The following PLA2G15 variants were observed in gnomAD, a reference collection of about 807,000 sequenced individuals.
The protein encoded by PLA2G15 is phospholipase A2 group XV, also known as lysosomal phospholipase A and acyltransferase.
PLA2G15 carries 20 observed loss-of-function variants against 40.9 expected under a neutral mutation model. The ratio of observed to expected loss-of-function variants is 0.49; its 90% CI spans 0.34 to 0.71. The LOEUF (loss-of-function observed/expected upper bound fraction) is 0.71, where lower values mean the gene tolerates loss of function less well. Ranked by LOEUF, PLA2G15 falls within the 30% of genes least tolerant of loss-of-function variation. PLA2G15 has a pLI of 0.01. For missense variants in PLA2G15, 471 were observed against 541.9 expected (o/e 0.87, Z 1.30); for synonymous variants, 223 against 228.2 (o/e 0.98, Z 0.21).
chr16:68,248,989 G>C (rs1207679250), intron 1 of PLA2G15, among the ~76,000 whole-genome samples: 4 of 152,170 alleles, frequency 2.6e-5, no homozygotes, highest in African/African-American at 9.7e-5. Context: ...TCTGGAGTTG[G>C]AGACAATGTT....
intron 2 of PLA2G15, among the ~76,000 whole-genome samples, chr16:68,250,727 A>G (rs2042348897): frequency 6.6e-6 from 1 of 152,188 alleles, no homozygotes; most frequent in Admixed American, 6.5e-5. Flanking sequence ...AAAATACAAA[A>G]AAATTAGCTG....
intron 2 of PLA2G15, 36 bp downstream of exon 2, chr16:68,249,482 A>G: frequency 6.2e-7 from 1 of 1,603,532 alleles, no homozygotes; most frequent in Non-Finnish European, 8.5e-7. Flanking sequence ...GGTGCTGCTC[A>G]CCAACAGTGC....
Position 68,255,425 on chromosome 16 carries a change from G to T in PLA2G15, c.502+45G>T. ...CCCTCCCTGACGTCTCGGGAGGTAG[G>T]GGTGAGGTGATCATGGGCACCACAG... is the stretch of plus-strand genomic sequence containing the variant. On this transcript the variant is annotated intron_variant, in intron 4 of 5. Transcript: ENST00000219345. This position sits in a 1 kb window ranked among gnomAD's most constrained non-coding sequence, Gnocchi z 5.9. The T allele has an allele frequency of 2.2e-6, 3 of 1,360,438 alleles. No homozygotes were observed. The highest frequency in any genetic ancestry group is 1.3e-5 in the South Asian group (1 of 78,566). The allele number at this position is 1,360,438 out of a possible 1,614,324, so 84.3% of individuals were successfully genotyped here.
chr16:68,249,046 G>A (rs1406950463), intron 1 of PLA2G15, among the ~76,000 whole-genome samples: 2 of 152,154 alleles, frequency 1.3e-5, no homozygotes, highest in Non-Finnish European at 2.9e-5. Context: ...CCCCCCACAG[G>A]CATCTCTGCA....
Position 68,245,519 on chromosome 16 carries a change from G to T in PLA2G15, c.93G>T (p.Ala31=). The T allele has an allele frequency of 6.3e-7, 1 of 1,596,106 alleles. No homozygotes were observed. Residue 31 remains alanine, a synonymous_variant, in exon 1 of 6, where the codon GCG becomes GCT. Coordinates refer to ENST00000219345, the MANE Select transcript of PLA2G15 (RefSeq NM_012320.4). ...LLLLMLLADP[A]LPAGRHPPVV... ...TGCTAATGCTGCTCGCGGACCCAGC[G>T]CTCCCGGCCGGACGTCACCCCCCAG...
chr16:68,251,488 C>T (rs988695254), intron 2 of PLA2G15, among the ~76,000 whole-genome samples: 2 of 151,812 alleles, frequency 1.3e-5, no homozygotes, highest in Non-Finnish European at 2.9e-5. Context: ...GAGACTAGCC[C>T]GGCCAACACA....
chr16:68,258,025 C>T (rs981401212), intron 5 of PLA2G15, among the ~76,000 whole-genome samples: 2 of 152,198 alleles, frequency 1.3e-5, no homozygotes, highest in African/African-American at 2.4e-5. Context: ...GTCTGAGAGG[C>T]CTCCCTGCTT....
intron 2 of PLA2G15, chr16:68,254,303 C>T (rs912697833): frequency 7.0e-6 from 1 of 142,984 alleles, no homozygotes; most frequent in Admixed American, 7.2e-5. Context: ...CTGATCTGTG[C>T]TTTTTATTTT....
Position 68,255,831 on chromosome 16 carries a change from G to C in PLA2G15, c.568G>C (p.Gly190Arg). 13 of 1,614,200 alleles carry C rather than the reference G, an allele frequency of 8.1e-6. No individual in the cohort carries two copies. The highest frequency in any genetic ancestry group is 1.1e-5 in the Non-Finnish European group (13 of 1,180,014). The part of the protein sequence containing the change: ...MIEEMYQLYG[G>R]PVVLVAHSMG... The stretch of plus-strand genomic sequence containing the variant: ...CGAGGAGATGTACCAGCTGTATGGG[G>C]GCCCCGTGGTGCTGGTTGCCCACAG... The change falls in exon 5 of 6, where the codon GGC (glycine) becomes CGC (arginine). Residue 190 changes from glycine (G) to arginine (R), a missense_variant. Coordinates refer to ENST00000219345, the MANE Select transcript of PLA2G15 (RefSeq NM_012320.4). This position sits in a 1 kb window ranked among gnomAD's most constrained non-coding sequence, Gnocchi z 5.9.
chr16:68,245,417 G>A lies in PLA2G15; in HGVS notation c.-10G>A, dbSNP rs1272530313. 3 of 1,602,698 alleles carry A rather than the reference G, an allele frequency of 1.9e-6. No homozygotes were observed. Among genetic ancestry groups the A allele is most frequent in the Non-Finnish European group, 2.5e-6 (3 of 1,179,654 alleles). Reference sequence around the variant, plus strand: ...CCTGCATCCCGGACCTGCGGCGACCGTCGTACACCATGGGCCTCCACCTCC... The same window carrying A: ...CCTGCATCCCGGACCTGCGGCGACCATCGTACACCATGGGCCTCCACCTCC... On this transcript the variant is annotated 5_prime_UTR_variant, in exon 1 of 6. Transcript: ENST00000219345.
chr16:68,253,577 G>A, intron 2 of PLA2G15: 1 of 332,096 alleles, frequency 3.0e-6, no homozygotes, highest in South Asian at 2.2e-5. Context: ...GTTTCACCCT[G>A]TTGGCCAGGC....
chr16:68,252,501 T>C (rs1185217089), intron 2 of PLA2G15: 1 of 455,764 alleles, frequency 2.2e-6, no homozygotes, highest in East Asian at 6.9e-5. Context: ...CCATCATTTC[T>C]TCAGGCCTTG....
chr16:68,246,357 G>C (rs148656703), intron 1 of PLA2G15, among the ~76,000 whole-genome samples: 1 of 152,172 alleles, frequency 6.6e-6, no homozygotes, highest in Non-Finnish European at 1.5e-5. Context: ...CATTGAGGCC[G>C]TCACTCCCAT....
chr16:68,255,450 G>T lies in PLA2G15; in HGVS notation c.502+70G>T. The stretch of plus-strand genomic sequence containing the variant: ...GGGTGAGGTGATCATGGGCACCACA[G>T]ACCTTGGGCTCTCCCCTTGTCCTTG... On this transcript the variant is annotated intron_variant, in intron 4 of 5. Coordinates refer to ENST00000219345, the MANE Select transcript of PLA2G15 (RefSeq NM_012320.4). This position sits in a 1 kb window ranked among gnomAD's most constrained non-coding sequence, Gnocchi z 5.9. 9.5e-7 allele frequency: 1 copy of T among 1,049,070 alleles called. No homozygotes were observed. The highest frequency in any genetic ancestry group is 1.5e-5 in the South Asian group (1 of 64,662). The allele number at this position is 1,049,070 out of a possible 1,614,324, so 65.0% of individuals were successfully genotyped here. A position where few individuals can be genotyped will look rare whatever the true frequency, so the allele number is the denominator to read the frequency against.
rs1437991979 is a variant in PLA2G15 at position 68,259,503 on chromosome 16, C to T, written c.1085C>T (p.Thr362Ile). 1 of 1,613,256 alleles carries T rather than the reference C, an allele frequency of 6.2e-7. No individual in the cohort carries two copies. Among genetic ancestry groups the T allele is most frequent in the Non-Finnish European group, 8.5e-7 (1 of 1,180,032 alleles). The stretch of plus-strand genomic sequence containing the variant: ...ATCTGCTTTGGTGACGGCGATGGTA[C>T]TGTGAACTTGAAGAGTGCCCTGCAG... ...PKICFGDGDG[T>I]VNLKSALQCQ... Residue 362 changes from threonine to isoleucine, a missense_variant, in exon 6 of 6, where the codon ACT (threonine) becomes ATT (isoleucine). Coordinates refer to ENST00000219345, the MANE Select transcript of PLA2G15 (RefSeq NM_012320.4). This position sits in a 1 kb window ranked among gnomAD's most constrained non-coding sequence, Gnocchi z 6.5.
Position 68,245,475 on chromosome 16 carries a change from C to T in PLA2G15, c.49C>T (p.Leu17Phe). 1.2e-6 allele frequency: 2 copies of T among 1,606,664 alleles called. No homozygotes were observed. Among genetic ancestry groups the T allele is most frequent in the Non-Finnish European group, 1.7e-6 (2 of 1,179,664 alleles). ...CCGTGTGGGGCTGCTCCCGGATGGCCTCCTGTTCCTCTTGCTGCTGCTAAT... is the reference window on the plus strand; with the variant it reads ...CCGTGTGGGGCTGCTCCCGGATGGCTTCCTGTTCCTCTTGCTGCTGCTAAT... Reference protein sequence around the residue: ...PYRVGLLPDGLLFLLLLLMLL... With the variant: ...PYRVGLLPDGFLFLLLLLMLL... The change falls in exon 1 of 6, where the codon CTC (leucine) becomes TTC (phenylalanine). Residue 17 changes from leucine (L) to phenylalanine (F), a missense_variant. Leu to Phe is a conservative substitution (Grantham distance 22, BLOSUM62 0). Transcript: ENST00000219345.
Position 68,252,627 on chromosome 16 carries a change from G to A in PLA2G15, c.285-2292G>A, listed in dbSNP as rs751253557. 4.4e-5 allele frequency: 20 copies of A among 455,826 alleles called. 1 individual carries two copies. The highest frequency in any genetic ancestry group is 3.1e-4 in the South Asian group (20 of 64,556). The allele number at this position is 455,826 out of a possible 1,614,324, so 28.2% of individuals were successfully genotyped here. ...CTACAGAAACTATGAGATCACGTGTGTGGTGTTAGAAGCTGCTGAGTCTGT... is the reference window on the plus strand; with the variant it reads ...CTACAGAAACTATGAGATCACGTGTATGGTGTTAGAAGCTGCTGAGTCTGT... On this transcript the variant is annotated intron_variant, in intron 2 of 5. Coordinates refer to ENST00000219345, the MANE Select transcript of PLA2G15 (RefSeq NM_012320.4).
chr16:68,245,613 T>C (rs2151200527), intron 1 of PLA2G15, 60 bp downstream of exon 1: 1 of 1,526,198 alleles, frequency 6.6e-7, no homozygotes, highest in East Asian at 2.4e-5. Context: ...CGGGCGGGGC[T>C]GCCTTCCCGG....
intron 2 of PLA2G15, among the ~76,000 whole-genome samples, chr16:68,253,259 C>T (rs2042369564): frequency 6.6e-6 from 1 of 152,190 alleles, no homozygotes; most frequent in Non-Finnish European, 1.5e-5. Context: ...CAAGGCCTTC[C>T]TCCTGTCTCT....
Sources: gnomAD v4.1 joint callset for allele counts (sites outside exome capture counted in the v4.1 genomes callset) on GRCh38, gnomAD v4.1.1 for gene constraint, Gnocchi (gnomAD v3.1) non-coding constraint, MANE v1.5 for transcripts, NCBI Gene and HGNC (gene_info 2026-07-23, HGNC 2026-07-21) for gene names.